Variants in BLOC1S5 observed in about 807,000 individuals in gnomAD.
The protein encoded by BLOC1S5 is biogenesis of lysosome-related organelles complex 1 subunit 5.
Under a neutral mutation model 24.3 loss-of-function variants are expected in BLOC1S5, and 27 were observed. The observed-to-expected ratio is 1.11, with a 90% CI of 0.82 to 1.53. The LOEUF (loss-of-function observed/expected upper bound fraction) is 1.53. BLOC1S5 is among the 40% of genes most tolerant of loss of function. The pLI, the probability that BLOC1S5 is intolerant of heterozygous loss-of-function variation, is 0.00. For missense variants in BLOC1S5, 239 were observed against 229.4 expected (o/e 1.04, Z -0.27); for synonymous variants, 84 against 74.5 (o/e 1.13, Z -0.66).
chr6:8,031,320 GC>G (rs1299317682), intron 3 of BLOC1S5, among the ~76,000 whole-genome samples: 8 of 152,142 alleles, frequency 5.3e-5, no homozygotes, highest in Non-Finnish European at 5.9e-5. Flanking sequence ...CAGGAGCACT[GC>G]TATACACCAA....
At chr6:8,063,097 A>C (rs1410980945) in intron 1 of BLOC1S5, among the ~76,000 whole-genome samples, 1 of 152,170 alleles carries the variant, frequency 6.6e-6, no homozygotes, top group East Asian at 1.9e-4. Flanking sequence ...GGATTAAAGC[A>C]ATTTACATAA....
chr6:8,037,012 C>T (rs1251809482), intron 3 of BLOC1S5, among the ~76,000 whole-genome samples: 1 of 152,086 alleles, frequency 6.6e-6, no homozygotes, highest in East Asian at 1.9e-4. Context: ...TGTGGGCAAA[C>T]CCACAGCTAA....
intron 2 of BLOC1S5, among the ~76,000 whole-genome samples, chr6:8,042,114 A>G: frequency 6.6e-6 from 1 of 152,206 alleles, no homozygotes; most frequent in East Asian, 1.9e-4. Context: ...CAATATGAGC[A>G]ATATTTTTAT....
chr6:8,019,853 T>A (rs927188941), intron 4 of BLOC1S5, among the ~76,000 whole-genome samples: 3 of 152,190 alleles, frequency 2.0e-5, no homozygotes, highest in African/African-American at 7.2e-5. Flanking sequence ...AGTTAACTGG[T>A]TTCTAAGACG....
At chr6:8,064,165 C>CCAGCCCGGGACCCGGGGGT (rs1226466472) in intron 1 of BLOC1S5, 100 bp downstream of exon 1, 3 of 1,033,456 alleles carry the variant, frequency 2.9e-6, no homozygotes, top group South Asian at 3.6e-5. Context: ...CGCACGCGCG[C>CCAGCCCGGGACCCGGGGGT]CAGCCCGGGA....
At position 8,041,152 on chromosome 6, in the gene BLOC1S5, C is replaced by G; in HGVS notation, c.312G>C (p.Gln104His). ...TTGCTGACTCACATCTCTGGAGAACCTGGCTGAGGCTGTCCCGCATTGTGT... is the reference window on the plus strand; with the variant it reads ...TTGCTGACTCACATCTCTGGAGAACGTGGCTGAGGCTGTCCCGCATTGTGT... ...CRDTMRDSLS[Q>H]VLQRLQAAND... Residue 104 changes from glutamine to histidine, a missense_variant, in exon 3 of 5, where the codon CAG becomes CAC. By Grantham distance (24) the Gln-to-His change is conservative. Coordinates refer to ENST00000397457, the MANE Select transcript of BLOC1S5 (RefSeq NM_201280.3). The G allele has an allele frequency of 1.3e-6, 2 of 1,592,222 alleles. No homozygotes were observed. The highest frequency in any genetic ancestry group is 1.7e-6 in the Non-Finnish European group (2 of 1,170,750).
chr6:8,049,232 G>A (rs867792482), intron 2 of BLOC1S5, among the ~76,000 whole-genome samples: 16 of 151,664 alleles, frequency 1.1e-4, no homozygotes, highest in African/African-American at 3.1e-4. Flanking sequence ...TTAGCCGGGC[G>A]TGGTGGCAGG....
intron 3 of BLOC1S5, among the ~76,000 whole-genome samples, chr6:8,032,858 G>A (rs189980013): frequency 4.3e-4 from 66 of 152,252 alleles, no homozygotes; most frequent in Non-Finnish European, 6.8e-4. Context: ...GCCAAATCAT[G>A]AGTGAACTCC....
chr6:8,033,247 C>A (rs937158093), intron 3 of BLOC1S5, among the ~76,000 whole-genome samples: 4 of 152,142 alleles, frequency 2.6e-5, no homozygotes, highest in African/African-American at 7.2e-5. Context: ...GCTACAGTAA[C>A]CAAAACAGCA....
Position 8,057,083 on chromosome 6 carries a change from G to T in BLOC1S5, c.195+5451C>A, listed in dbSNP as rs1452630326. 2.0e-5 allele frequency among the ~76,000 whole-genome samples: 3 copies of T among 152,140 alleles called. No individual in the cohort carries two copies. The East Asian group carries it at 5.8e-4, about 29-fold the overall frequency. Reference sequence around the variant, plus strand: ...AAAAATACAAAATTAGCTGGACATGGTGGTATATGCCTGTAATCCCAGCTA... The same window carrying T: ...AAAAATACAAAATTAGCTGGACATGTTGGTATATGCCTGTAATCCCAGCTA... On this transcript the variant is annotated intron_variant, in intron 2 of 4. Coordinates refer to ENST00000397457, the MANE Select transcript of BLOC1S5 (RefSeq NM_201280.3).
Position 8,015,752 on chromosome 6 carries a change from T to C in BLOC1S5, c.461A>G (p.Asn154Ser). The change falls in exon 5 of 5, where the codon AAC becomes AGC. Residue 154 changes from asparagine (N) to serine (S), a missense_variant. Coordinates refer to ENST00000397457, the MANE Select transcript of BLOC1S5 (RefSeq NM_201280.3). ...QWDNFMKEQPNKRAEVDEEHR... is the reference protein window; with the variant it reads ...QWDNFMKEQPSKRAEVDEEHR... ...CTCTTCATCCACTTCAGCCCTTTTG[T>C]TGGGTTGCTCCTTCATGAAGTTGTC... is the stretch of plus-strand genomic sequence containing the variant. 1.2e-6 allele frequency: 2 copies of C among 1,614,182 alleles called. No homozygotes were observed. Among genetic ancestry groups the C allele is most frequent in the Non-Finnish European group, 8.5e-7 (1 of 1,180,014 alleles).
intron 2 of BLOC1S5, among the ~76,000 whole-genome samples, chr6:8,057,501 AG>A (rs1233559525): frequency 1.3e-5 from 2 of 152,244 alleles, no homozygotes; most frequent in Non-Finnish European, 2.9e-5. Flanking sequence ...GTAATCTGAT[AG>A]CATTAGAGAG....
chr6:8,020,357 T>A (rs1484041248), intron 4 of BLOC1S5, among the ~76,000 whole-genome samples: 4 of 152,214 alleles, frequency 2.6e-5, no homozygotes. Flanking sequence ...GGACATCTTG[T>A]CGCTTTTTTC....
intron 4 of BLOC1S5, among the ~76,000 whole-genome samples, chr6:8,022,850 C>T (rs2113520866): frequency 7.1e-6 from 1 of 140,996 alleles, no homozygotes; most frequent in African/African-American, 3.2e-5. Flanking sequence ...TCCCAAAGTG[C>T]TGGGATTACA....
chr6:8,035,560 T>A (rs1323184215), intron 3 of BLOC1S5, among the ~76,000 whole-genome samples: 1 of 152,032 alleles, frequency 6.6e-6, no homozygotes, highest in South Asian at 2.1e-4. Flanking sequence ...TCCATGCAAC[T>A]GGAGACCAAA....
intron 4 of BLOC1S5, among the ~76,000 whole-genome samples, chr6:8,020,472 C>G (rs1248152241): frequency 2.0e-5 from 3 of 152,220 alleles, no homozygotes; most frequent in African/African-American, 7.2e-5. Context: ...TTCTTCTCCC[C>G]CAAAACACTA....
At chr6:8,029,110 T>C (rs1464410351) in intron 3 of BLOC1S5, among the ~76,000 whole-genome samples, 1 of 151,890 alleles carries the variant, frequency 6.6e-6, no homozygotes, top group Non-Finnish European at 1.5e-5. Flanking sequence ...ATGGTGTCTA[T>C]AAGTAAACCT....
At chr6:8,020,334 G>A (rs368949390) in intron 4 of BLOC1S5, among the ~76,000 whole-genome samples, 6 of 152,326 alleles carry the variant, frequency 3.9e-5, no homozygotes, top group African/African-American at 1.4e-4. Context: ...CAGCAGGTGT[G>A]GGGGTATGGC....
chr6:8,038,479 T>TTTAATTAA (rs56331411), intron 3 of BLOC1S5, among the ~76,000 whole-genome samples: 4 of 151,700 alleles, frequency 2.6e-5, no homozygotes, highest in Non-Finnish European at 5.9e-5. Flanking sequence ...TAAAATGGCT[T>TTTAATTAA]TTAATTAATT....
Sources: allele counts gnomAD v4.1 joint callset (sites outside exome capture counted in the v4.1 genomes callset), GRCh38; gene constraint gnomAD v4.1.1; transcripts MANE v1.5; gene names NCBI Gene and HGNC (gene_info 2026-07-23, HGNC 2026-07-21).